GLS: variants seen among roughly 807,000 people sequenced by gnomAD.
GLS encodes glutaminase kidney isoform, mitochondrial.
GLS carries 36 observed loss-of-function variants against 86.7 expected under a neutral mutation model. The observed-to-expected ratio is 0.42, with a 90% CI of 0.32 to 0.55. The LOEUF is 0.55. GLS is among the 20% of genes least tolerant of loss of function. The pLI is 0.17. For synonymous variants in GLS, 317 were observed against 305.9 expected (o/e 1.04, Z -0.38); for missense variants, 528 against 833.4 (o/e 0.63, Z 4.51).
Position 190,923,968 on chromosome 2 carries a change from C to T in GLS, c.1182C>T (p.Tyr394=). Residue 394 remains tyrosine, a synonymous_variant, in exon 10 of 18, where the codon TAC becomes TAT. Coordinates refer to ENST00000320717, the MANE Select transcript of GLS (RefSeq NM_014905.5). ...SGDRNFAIGY[Y]LKEKKCFPEG... is the part of the protein sequence containing the mutation. Reference sequence around the variant, plus strand: ...ATCGAAATTTTGCAATAGGATATTACTTAAAAGAAAAGAAGGTTTTTAAAT... The same window carrying T: ...ATCGAAATTTTGCAATAGGATATTATTTAAAAGAAAAGAAGGTTTTTAAAT... 6.7e-7 allele frequency: 1 copy of T among 1,490,186 alleles called. No individual in the cohort carries two copies. Among genetic ancestry groups the T allele is most frequent in the Non-Finnish European group, 9.3e-7 (1 of 1,080,866 alleles). The allele number at this position is 1,490,186 out of a possible 1,614,324, so 92.3% of individuals were successfully genotyped here.
chr2:190,935,973 ATTCTGGAG>A lies in GLS; in HGVS notation c.1650+4337_1650+4344del, dbSNP rs1190635977. Among the ~76,000 whole-genome samples, 1 of 151,214 alleles carries A rather than the reference ATTCTGGAG, an allele frequency of 6.6e-6. No individual in the cohort carries two copies. Among genetic ancestry groups the A allele is most frequent in the Non-Finnish European group, 1.5e-5 (1 of 67,254 alleles). On this transcript the variant is annotated intron_variant, in intron 14 of 17. Coordinates refer to ENST00000320717, the MANE Select transcript of GLS (RefSeq NM_014905.5). The surrounding 1 kb of genome is among the most constrained non-coding windows in gnomAD (Gnocchi z 4.2). ...ATGTTTAATTAAATCTGCCATTCAT[ATTCTGGAG>A]ATTCCTGAATATATTGTAGAAGTTT...
Position 190,924,764 on chromosome 2 carries a change from A to T in GLS, c.1248+171A>T. On this transcript the variant is annotated intron_variant, in intron 11 of 17. Coordinates refer to ENST00000320717, the MANE Select transcript of GLS (RefSeq NM_014905.5). This position sits in a 1 kb window ranked among gnomAD's most constrained non-coding sequence, Gnocchi z 5.2. ...ACCCCATCTCTACTAAAAATACAAA[A>T]ATTATTCGGGTGTGGTAGTGTGTGC... 1 of 518,846 alleles carries T rather than the reference A, an allele frequency of 1.9e-6. No individual in the cohort carries two copies. The highest frequency in any genetic ancestry group is 3.5e-5 in the East Asian group (1 of 28,194). 32.1% of individuals were successfully genotyped at this position (518,846 alleles called of 1,614,324 possible). A position where few individuals can be genotyped will look rare whatever the true frequency, so the allele number is the denominator to read the frequency against.
At chr2:190,907,326 C>T (rs973786106) in intron 6 of GLS, among the ~76,000 whole-genome samples, 10 of 151,006 alleles carry the variant, frequency 6.6e-5, no homozygotes, top group South Asian at 2.1e-4. Flanking sequence ...GGCGCAATCT[C>T]GGCTCACCGC....
chr2:190,909,949 G>T (rs1293031209), intron 6 of GLS, among the ~76,000 whole-genome samples: 6 of 152,034 alleles, frequency 3.9e-5, no homozygotes, highest in Non-Finnish European at 2.9e-5. Context: ...GAGGCTGGAG[G>T]ATCACTTAAG....
intron 11 of GLS, among the ~76,000 whole-genome samples, chr2:190,925,382 GAGT>G (rs1689865809): frequency 6.6e-6 from 1 of 152,094 alleles, no homozygotes; most frequent in African/African-American, 2.4e-5. Context: ...TTGTAAGTTA[GAGT>G]AGCTCTCAAT....
intron 14 of GLS, among the ~76,000 whole-genome samples, chr2:190,945,686 A>AT (rs1690561514): frequency 6.6e-6 from 1 of 151,962 alleles, no homozygotes; most frequent in Non-Finnish European, 1.5e-5. Flanking sequence ...AGAAAAAAAA[A>AT]TTGAAAATTG....
chr2:190,933,193 A>G, intron 14 of GLS: 1 of 863,902 alleles, frequency 1.2e-6, no homozygotes, highest in Non-Finnish European at 1.4e-6. Context: ...GAAAATTGTA[A>G]TTCTTAGTTC....
At chr2:190,885,998 A>G (rs1688367722) in intron 1 of GLS, among the ~76,000 whole-genome samples, 1 of 151,488 alleles carries the variant, frequency 6.6e-6, no homozygotes. Flanking sequence ...TCAGCCCCCC[A>G]TGTAGCTGGG....
chr2:190,927,335 A>G lies in GLS; in HGVS notation c.1278A>G (p.Ser426=), dbSNP rs961449651. The G allele has an allele frequency of 1.2e-6, 2 of 1,613,000 alleles. No individual in the cohort carries two copies. The highest frequency in any genetic ancestry group is 2.7e-5 in the African/African-American group (2 of 74,852). Residue 426 remains serine (S), a synonymous_variant, in exon 12 of 18, where the codon TCA becomes TCG. Transcript: ENST00000320717. The stretch of plus-strand genomic sequence containing the variant: ...GCTCCATTGAAGTGACTTGTGAATC[A>G]GCCAGTGTGATGGCTGCGACACTGG... ...QLCSIEVTCE[S]ASVMAATLAN... is the part of the protein sequence containing the mutation.
At chr2:190,892,341 C>T (rs1688594839) in intron 1 of GLS, among the ~76,000 whole-genome samples, 1 of 152,078 alleles carries the variant, frequency 6.6e-6, no homozygotes, top group Non-Finnish European at 1.5e-5. Context: ...AGATTATCTT[C>T]TGTTATATCC....
intron 5 of GLS, among the ~76,000 whole-genome samples, chr2:190,903,770 C>T (rs2124848355): frequency 6.6e-6 from 1 of 152,134 alleles, no homozygotes; most frequent in East Asian, 1.9e-4. Flanking sequence ...TTTGAAGTAA[C>T]AATCTTATAT....
At chr2:190,881,843 C>T (rs1688208051) in intron 1 of GLS, 1 of 194,036 alleles carries the variant, frequency 5.2e-6, no homozygotes, top group Non-Finnish European at 1.1e-5. Flanking sequence ...CCCAGCCATT[C>T]GTGGGCGATG....
chr2:190,939,378 G>T (rs1178368705), intron 14 of GLS, among the ~76,000 whole-genome samples: 1 of 151,470 alleles, frequency 6.6e-6, no homozygotes, highest in Non-Finnish European at 1.5e-5. Context: ...TTATAGTATT[G>T]GTTTCTTAAT....
chr2:190,946,642 T>C (rs910544340), intron 14 of GLS, among the ~76,000 whole-genome samples: 5 of 148,104 alleles, frequency 3.4e-5, no homozygotes, highest in Admixed American at 6.7e-5. Flanking sequence ...TGAAGTAAAG[T>C]GTAAAACCAG....
At chr2:190,916,520 A>G (rs1349676436) in intron 7 of GLS, among the ~76,000 whole-genome samples, 3 of 152,196 alleles carry the variant, frequency 2.0e-5, no homozygotes, top group Admixed American at 6.5e-5. Flanking sequence ...GTTAATGATT[A>G]TTAGATCTCA....
In GLS at chr2:190,895,170, GT is replaced by G; in HGVS notation, c.407del (p.Leu136TyrfsTer40). ...TCTTTAGTAAAATAAAACAGGGTCTGTTACCTAGCTTGGAAGATTTGCTGTT... is the reference window on the plus strand; with the variant it reads ...TCTTTAGTAAAATAAAACAGGGTCTGTACCTAGCTTGGAAGATTTGCTGTT... ...SGENKIKQGL[L>X]PSLEDLLFYT... On this transcript the variant is annotated frameshift_variant, in exon 2 of 18. Transcript: ENST00000320717. LOFTEE classifies it high-confidence loss of function. The surrounding 1 kb of genome is among the most constrained non-coding windows in gnomAD (Gnocchi z 4.2). 6.6e-7 allele frequency: 1 copy of G among 1,519,888 alleles called. No individual in the cohort carries two copies. Among genetic ancestry groups the G allele is most frequent in the Non-Finnish European group, 9.1e-7 (1 of 1,098,074 alleles). The allele number at this position is 1,519,888 out of a possible 1,614,324, so 94.2% of individuals were successfully genotyped here.
intron 14 of GLS, among the ~76,000 whole-genome samples, chr2:190,936,363 G>T (rs931944034): frequency 6.6e-6 from 1 of 150,960 alleles, no homozygotes; most frequent in Non-Finnish European, 1.5e-5. Context: ...ATACGTTTGT[G>T]CATACATATA....
At chr2:190,902,724 A>G (rs951868415) in intron 5 of GLS, among the ~76,000 whole-genome samples, 4 of 152,236 alleles carry the variant, frequency 2.6e-5, no homozygotes, top group Admixed American at 2.6e-4. Flanking sequence ...GGAATTAGAC[A>G]TAAAGATTGT....
chr2:190,954,508 C>A lies in GLS; in HGVS notation c.1713-76C>A. On this transcript the variant is annotated intron_variant, in intron 15 of 17. Coordinates refer to ENST00000320717, the MANE Select transcript of GLS (RefSeq NM_014905.5). The surrounding 1 kb of genome is among the most constrained non-coding windows in gnomAD (Gnocchi z 4.0). ...GGCACCTGACAGGGCCTTAAATGAACTGATGGAGTGAATGTTACCAGTGTG... is the reference window on the plus strand; with the variant it reads ...GGCACCTGACAGGGCCTTAAATGAAATGATGGAGTGAATGTTACCAGTGTG... 1 of 928,574 alleles carries A rather than the reference C, an allele frequency of 1.1e-6. No individual in the cohort carries two copies. The highest frequency in any genetic ancestry group is 1.7e-6 in the Non-Finnish European group (1 of 596,710). 57.5% of individuals were successfully genotyped at this position (928,574 alleles called of 1,614,324 possible). A position where few individuals can be genotyped will look rare whatever the true frequency, so the allele number is the denominator to read the frequency against.
Sources: gnomAD v4.1 joint callset for allele counts (sites outside exome capture counted in the v4.1 genomes callset) on GRCh38, gnomAD v4.1.1 for gene constraint, Gnocchi (gnomAD v3.1) non-coding constraint, MANE v1.5 for transcripts, NCBI Gene and HGNC (gene_info 2026-07-23, HGNC 2026-07-21) for gene names.